The following JAZF1 variants were observed in gnomAD, a reference collection of about 807,000 sequenced individuals.
The protein encoded by JAZF1 is JAZF zinc finger 1, also known as juxtaposed with another zinc finger protein 1.
In JAZF1, 8 loss-of-function variants were observed where a neutral mutation model predicts 26.4. The observed-to-expected ratio is 0.30, with a 90% CI of 0.18 to 0.55. The LOEUF (loss-of-function observed/expected upper bound fraction) is 0.55, where lower values mean the gene tolerates loss of function less well. Ranked by LOEUF, JAZF1 falls within the 20% of genes least tolerant of loss-of-function variation. The pLI, the probability that JAZF1 is intolerant of heterozygous loss-of-function variation, is 0.94. For synonymous variants in JAZF1, 126 were observed against 122.3 expected, an observed-to-expected ratio of 1.03 and a Z score of -0.20; for missense variants, 199 against 322.0, an observed-to-expected ratio of 0.62 and a Z score of 2.92.
intron 3 of JAZF1, among the ~76,000 whole-genome samples, chr7:27,849,268 A>G (rs528269441): frequency 1.3e-5 from 2 of 152,318 alleles, no homozygotes; most frequent in South Asian, 4.1e-4. Flanking sequence ...TGGGGGCAGC[A>G]GGCTAAGCCT....
intron 2 of JAZF1, among the ~76,000 whole-genome samples, chr7:27,957,450 C>G (rs777023558): frequency 6.6e-6 from 1 of 152,150 alleles, no homozygotes; most frequent in African/African-American, 2.4e-5. Context: ...GGATTTCAAA[C>G]GACGCAGCTG....
chr7:28,180,363 G>T (rs1003618379), intron 1 of JAZF1, 100 bp downstream of exon 1: 14 of 459,660 alleles, frequency 3.0e-5, no homozygotes, highest in South Asian at 2.1e-4. Context: ...CCGCCCTGCC[G>T]CCTCCCTCCC....
intron 1 of JAZF1, among the ~76,000 whole-genome samples, chr7:28,035,368 A>G (rs1206012905): frequency 6.8e-6 from 1 of 147,460 alleles, no homozygotes; most frequent in Non-Finnish European, 1.5e-5. Context: ...GGCCCAATTT[A>G]TCTGTTATAG....
intron 1 of JAZF1, among the ~76,000 whole-genome samples, chr7:28,046,194 AACCTTTAGG>A (rs1274272943): frequency 6.6e-6 from 1 of 152,156 alleles, no homozygotes; most frequent in Non-Finnish European, 1.5e-5. Context: ...GTTTCTACAA[AACCTTTAGG>A]AGCCAAGTAC....
intron 1 of JAZF1, among the ~76,000 whole-genome samples, chr7:28,103,031 T>C (rs1008720759): frequency 2.6e-5 from 4 of 152,138 alleles, no homozygotes; most frequent in African/African-American, 7.2e-5. Context: ...TTACGACCGA[T>C]TGATGTAACC....
chr7:28,178,851 T>G (rs931015742), intron 1 of JAZF1, among the ~76,000 whole-genome samples: 3 of 152,220 alleles, frequency 2.0e-5, no homozygotes, highest in Non-Finnish European at 2.9e-5. Flanking sequence ...TTGAAAAGTT[T>G]CAAAACCTGG....
intron 2 of JAZF1, among the ~76,000 whole-genome samples, chr7:27,978,349 G>A (rs989618803): frequency 4.6e-5 from 7 of 152,144 alleles, no homozygotes; most frequent in Admixed American, 2.6e-4. Context: ...GGAAATGTGG[G>A]AAAAACAGTG....
chr7:28,179,878 G>A (rs933227109), intron 1 of JAZF1, among the ~76,000 whole-genome samples: 1 of 147,098 alleles, frequency 6.8e-6, no homozygotes, highest in African/African-American at 2.4e-5. Context: ...GCGGCGGGAG[G>A]AGGAAGCGGA....
intron 2 of JAZF1, among the ~76,000 whole-genome samples, chr7:27,908,311 A>T (rs940592182): frequency 7.9e-5 from 12 of 152,358 alleles, no homozygotes; most frequent in South Asian, 2.1e-4. Flanking sequence ...TCTTAAATGA[A>T]GTACTAATAA....
In JAZF1 at chr7:27,940,784, T is replaced by A. The variant is rs577668637; in HGVS notation, c.189-45368A>T. 1.6e-4 allele frequency among the ~76,000 whole-genome samples: 25 copies of A among 152,334 alleles called. 1 individual carries two copies. The East Asian group carries it at 4.4e-3, about 27-fold the overall frequency. The stretch of plus-strand genomic sequence containing the variant: ...TCCAATAAACAAACTGCACATTTAC[T>A]GTGGATTCTGTATCTGAACTTTTAC... On this transcript the variant is annotated intron_variant, in intron 2 of 4. Coordinates refer to ENST00000283928, the MANE Select transcript of JAZF1 (RefSeq NM_175061.4).
intron 3 of JAZF1, among the ~76,000 whole-genome samples, chr7:27,866,763 A>G (rs1783480956): frequency 6.6e-6 from 1 of 152,244 alleles, no homozygotes; most frequent in African/African-American, 2.4e-5. Context: ...ACTGCTTCCT[A>G]ACGGTGTTGG....
intron 1 of JAZF1, among the ~76,000 whole-genome samples, chr7:27,993,265 G>A (rs74677630): frequency 8.8e-4 from 134 of 152,290 alleles, no homozygotes; most frequent in African/African-American, 3.1e-3. Context: ...AAGATTCTCT[G>A]AATGGCTCCA....
intron 4 of JAZF1, among the ~76,000 whole-genome samples, chr7:27,837,895 CTG>C (rs1782847807): frequency 6.6e-6 from 1 of 152,122 alleles, no homozygotes; most frequent in South Asian, 2.1e-4. Flanking sequence ...CCCACTTCTT[CTG>C]GGGAGATCAA....
intron 2 of JAZF1, among the ~76,000 whole-genome samples, chr7:27,936,100 C>T (rs183723054): frequency 6.6e-6 from 1 of 152,216 alleles, no homozygotes; most frequent in Non-Finnish European, 1.5e-5. Flanking sequence ...GTTAAAGCAA[C>T]AACCATCATT....
chr7:27,876,535 C>T lies in JAZF1; in HGVS notation c.385+18685G>A, dbSNP rs527490585. Among the ~76,000 whole-genome samples, 185 of 152,258 alleles carry T rather than the reference C, an allele frequency of 1.2e-3. 2 individuals are homozygous for T. The highest frequency in any genetic ancestry group is 6.8e-3 in the Middle Eastern group (2 of 294). On this transcript the variant is annotated intron_variant, in intron 3 of 4. Coordinates refer to ENST00000283928, the MANE Select transcript of JAZF1 (RefSeq NM_175061.4). Reference sequence around the variant, plus strand: ...GCTAAGTACTTAAAGCAGAAAGAGGCCTGGATTAGAATTCTGAATCCTTTT... The same window carrying T: ...GCTAAGTACTTAAAGCAGAAAGAGGTCTGGATTAGAATTCTGAATCCTTTT...
intron 1 of JAZF1, among the ~76,000 whole-genome samples, chr7:28,141,472 T>C (rs768671038): frequency 5.9e-5 from 9 of 152,220 alleles, no homozygotes; most frequent in Non-Finnish European, 1.2e-4. Flanking sequence ...TTAGAATATG[T>C]TGAGTTAATT....
intron 1 of JAZF1, among the ~76,000 whole-genome samples, chr7:28,071,933 T>G (rs1475965382): frequency 6.6e-6 from 1 of 152,244 alleles, no homozygotes; most frequent in Non-Finnish European, 1.5e-5. Context: ...TCATTTTAAC[T>G]TTTGTTTTCT....
At chr7:27,896,224 T>C (rs1784060590) in intron 2 of JAZF1, among the ~76,000 whole-genome samples, 1 of 152,220 alleles carries the variant, frequency 6.6e-6, no homozygotes, top group Non-Finnish European at 1.5e-5. Flanking sequence ...TTCTCTGATG[T>C]TGGTAATATT....
At chr7:28,075,330 C>T (rs1784034081) in intron 1 of JAZF1, among the ~76,000 whole-genome samples, 1 of 152,156 alleles carries the variant, frequency 6.6e-6, no homozygotes, top group African/African-American at 2.4e-5. Context: ...CCTCCTGGAC[C>T]ACAGAAGCTC....
Sources: gnomAD v4.1 joint callset for allele counts (sites outside exome capture counted in the v4.1 genomes callset) on GRCh38, gnomAD v4.1.1 for gene constraint, MANE v1.5 for transcripts, NCBI Gene and HGNC (gene_info 2026-07-23, HGNC 2026-07-21) for gene names.